The following WWP1 variants were observed in gnomAD, a reference collection of about 807,000 sequenced individuals.
WWP1 encodes NEDD4-like E3 ubiquitin-protein ligase WWP1.
A neutral mutation model predicts 130.6 loss-of-function variants in WWP1; 49 were observed. The observed-to-expected ratio is 0.38, with a 90% CI of 0.30 to 0.48. The LOEUF (loss-of-function observed/expected upper bound fraction) is 0.48. Ranked by LOEUF, WWP1 falls within the 20% of genes least tolerant of loss-of-function variation. WWP1 has a pLI of 0.99. For missense variants in WWP1, 809 were observed against 1,100.6 expected, an observed-to-expected ratio of 0.74 and a Z score of 3.75; for synonymous variants, 332 against 367.8, an observed-to-expected ratio of 0.90 and a Z score of 1.11.
intron 1 of WWP1, among the ~76,000 whole-genome samples, chr8:86,358,818 T>G (rs762179834): frequency 1.3e-5 from 2 of 151,994 alleles, no homozygotes; most frequent in African/African-American, 2.4e-5. Flanking sequence ...CCATTTATTA[T>G]TTAGTAGGGG....
intron 5 of WWP1, among the ~76,000 whole-genome samples, chr8:86,384,005 G>A (rs1425585184): frequency 6.6e-6 from 1 of 152,166 alleles, no homozygotes; most frequent in African/African-American, 2.4e-5. Context: ...TAAGATATCA[G>A]TGGGGTTGGT....
At chr8:86,344,766 A>G (rs1302231359) in intron 1 of WWP1, among the ~76,000 whole-genome samples, 1 of 151,952 alleles carries the variant, frequency 6.6e-6, no homozygotes, top group Non-Finnish European at 1.5e-5. Context: ...AGGTATCTCT[A>G]AGAGAGCACA....
intron 11 of WWP1, 68 bp from the exon 12 acceptor site, chr8:86,430,629 G>T: frequency 1.5e-6 from 2 of 1,291,490 alleles, no homozygotes; most frequent in South Asian, 1.5e-5. Context: ...CCACATGCTT[G>T]GCTTATTTCT....
At chr8:86,395,942 A>G (rs1449372089) in intron 5 of WWP1, among the ~76,000 whole-genome samples, 1 of 152,200 alleles carries the variant, frequency 6.6e-6, no homozygotes, top group Non-Finnish European at 1.5e-5. Context: ...TTCTTTAGGA[A>G]TCTATTCAAA....
In WWP1 at chr8:86,378,703, A is replaced by G. The variant is rs189605392; in HGVS notation, c.71-2023A>G. ...TAAATTCCTCATGAGATTAAAGATT[A>G]TTATCTTTGAAAAATCTCTTTTCTT... On this transcript the variant is annotated intron_variant, in intron 3 of 24. Coordinates refer to ENST00000517970, the MANE Select transcript of WWP1 (RefSeq NM_007013.4). 1.3e-3 allele frequency among the ~76,000 whole-genome samples: 192 copies of G among 152,310 alleles called. 2 individuals are homozygous for G. Among genetic ancestry groups the G allele is most frequent in the African/African-American group, 4.4e-3 (181 of 41,560 alleles).
chr8:86,370,067 T>C (rs1824198759), intron 2 of WWP1, among the ~76,000 whole-genome samples: 1 of 152,186 alleles, frequency 6.6e-6, no homozygotes, highest in Admixed American at 6.5e-5. Flanking sequence ...ATTCTTACCT[T>C]TTCCCAGCCC....
Position 86,461,294 on chromosome 8 carries a change from C to A in WWP1, c.2570C>A (p.Pro857His). 6.2e-7 allele frequency: 1 copy of A among 1,614,028 alleles called. No individual in the cohort carries two copies. The highest frequency in any genetic ancestry group is 1.1e-5 in the South Asian group (1 of 91,086). The change falls in exon 23 of 25, where the codon CCT (proline) becomes CAT (histidine). Residue 857 changes from proline to histidine, a missense_variant. By Grantham distance (77) the Pro-to-His change is moderately conservative. Transcript: ENST00000517970. ...LQFVTGTCRL[P>H]LGGFAELMGS... ...TTCGTCACTGGAACCTGCCGTTTAC[C>A]TCTAGGAGGATTTGCTGAGCTCATG...
rs76411954 is a variant in WWP1 at position 86,365,020 on chromosome 8, A to G, written c.-114-3919A>G. On this transcript the variant is annotated intron_variant, in intron 1 of 24. Transcript: ENST00000517970. ...GAGATGTGAGATATATCTGAAAAAG[A>G]AAAGTCAAGAAACAAGGACTAGATT... 3.0e-3 allele frequency among the ~76,000 whole-genome samples: 460 copies of G among 152,276 alleles called. 2 individuals are homozygous for G. The highest frequency in any genetic ancestry group is 0.011 in the African/African-American group (438 of 41,564).
intron 8 of WWP1, among the ~76,000 whole-genome samples, chr8:86,408,125 A>G (rs1808383261): frequency 6.6e-6 from 1 of 152,186 alleles, no homozygotes; most frequent in Non-Finnish European, 1.5e-5. Flanking sequence ...CCAGGATGCT[A>G]CATAGTTGGA....
At chr8:86,410,471 G>A (rs1808519712) in intron 8 of WWP1, among the ~76,000 whole-genome samples, 1 of 151,984 alleles carries the variant, frequency 6.6e-6, no homozygotes, top group Non-Finnish European at 1.5e-5. Flanking sequence ...ATAACACTTG[G>A]AAAGGTATAT....
intron 10 of WWP1, 116 bp downstream of exon 10, chr8:86,425,434 C>T: frequency 1.6e-6 from 1 of 634,114 alleles, no homozygotes; most frequent in Non-Finnish European, 2.5e-6. Context: ...AATTTCTTTA[C>T]ATTTCCTTAT....
chr8:86,455,145 C>T (rs1230223576), intron 21 of WWP1, among the ~76,000 whole-genome samples: 1 of 151,966 alleles, frequency 6.6e-6, no homozygotes, highest in Non-Finnish European at 1.5e-5. Context: ...TATGAAAACT[C>T]TTACCACACT....
intron 21 of WWP1, among the ~76,000 whole-genome samples, chr8:86,455,697 G>A (rs1188718749): frequency 6.6e-6 from 1 of 151,972 alleles, no homozygotes; most frequent in Non-Finnish European, 1.5e-5. Flanking sequence ...TATTGTTAAA[G>A]TGTCAGTTCT....
intron 20 of WWP1, among the ~76,000 whole-genome samples, chr8:86,450,599 A>C (rs1488133570): frequency 6.6e-6 from 1 of 152,252 alleles, no homozygotes; most frequent in Non-Finnish European, 1.5e-5. Flanking sequence ...GCACTGTTTC[A>C]AACATTTTAT....
At chr8:86,381,654 T>C in intron 5 of WWP1, 25 bp downstream of exon 5, 1 of 1,560,464 alleles carries the variant, frequency 6.4e-7, no homozygotes. Context: ...CTGACCTTTA[T>C]TTCCTTATAA....
chr8:86,361,974 G>GTGTATA (rs1197860240), intron 1 of WWP1, among the ~76,000 whole-genome samples: 13 of 127,618 alleles, frequency 1.0e-4, no homozygotes, highest in South Asian at 7.6e-4. Context: ...GTGTGTGTGT[G>GTGTATA]TATATATATA....
At chr8:86,389,837 C>T (rs1186420468) in intron 5 of WWP1, among the ~76,000 whole-genome samples, 1 of 151,658 alleles carries the variant, frequency 6.6e-6, no homozygotes, top group Non-Finnish European at 1.5e-5. Context: ...TGGGGGCTGC[C>T]CCCCACCTCC....
intron 12 of WWP1, among the ~76,000 whole-genome samples, chr8:86,431,067 G>A (rs1280923931): frequency 7.7e-6 from 1 of 130,162 alleles, no homozygotes; most frequent in Non-Finnish European, 1.5e-5. Flanking sequence ...ATATATATAT[G>A]TATATTATAA....
rs1253631991 is a variant in WWP1, at chr8:86,442,676, G to A, written c.1896G>A (p.Glu632=). 1 of 1,612,012 alleles carries A rather than the reference G, an allele frequency of 6.2e-7. No individual in the cohort carries two copies. The change falls in exon 18 of 25, where the codon GAG becomes GAA. Residue 632 remains glutamate (E), a synonymous_variant. Transcript: ENST00000517970. ...EVLNPMYCLF[E]YAGKNNYCLQ... ...TGAACCCAATGTATTGCTTATTTGA[G>A]TATGCGGGCAAGAACAACTATTGTC...
Sources: allele counts gnomAD v4.1 joint callset (sites outside exome capture counted in the v4.1 genomes callset), GRCh38; gene constraint gnomAD v4.1.1; transcripts MANE v1.5; gene names NCBI Gene and HGNC (gene_info 2026-07-23, HGNC 2026-07-21).